The following PLEKHG4B variants were observed in gnomAD, a reference collection of about 807,000 sequenced individuals.
PLEKHG4B encodes the protein pleckstrin homology and RhoGEF domain containing G4B, also known as pleckstrin homology domain-containing family G member 4B.
In PLEKHG4B, 111 loss-of-function variants were observed where a neutral mutation model predicts 121.3. The observed-to-expected ratio is 0.92, with a 90% CI of 0.78 to 1.07. The LOEUF is 1.07. Ranked by LOEUF, PLEKHG4B falls within the 50% of genes least tolerant of loss-of-function variation. The pLI, the probability that PLEKHG4B is intolerant of heterozygous loss-of-function variation, is 0.00. For synonymous variants in PLEKHG4B, 738 were observed against 725.0 expected (o/e 1.02, Z -0.29); for missense variants, 1,831 against 1,757.8 (o/e 1.04, Z -0.74).
intron 2 of PLEKHG4B, among the ~76,000 whole-genome samples, chr5:117,051 A>C (rs1734327371): frequency 6.6e-6 from 1 of 152,118 alleles, no homozygotes; most frequent in South Asian, 2.1e-4. Flanking sequence ...CTCTCATTTT[A>C]ATCAAAAACC....
In PLEKHG4B at chr5:171,072, C is replaced by A; in HGVS notation, c.3759C>A (p.Tyr1253Ter). ...AGCAGTTTGGGATGTACGTGATCTA[C>A]AGCAAAAACAAGCCGCAGTCGGATG... ...HEEQFGMYVIYSKNKPQSDAL... is the reference protein window; with the variant it reads ...HEEQFGMYVI The change falls in exon 15 of 20, where the codon TAC (tyrosine) becomes TAA (stop). Residue 1253 changes from tyrosine (Y) to a stop codon, truncating the protein, a stop_gained. Transcript: ENST00000637938. LOFTEE classifies it high-confidence loss of function. 1 of 1,613,202 alleles carries A rather than the reference C, an allele frequency of 6.2e-7. No individual in the cohort carries two copies. Among genetic ancestry groups the A allele is most frequent in the Non-Finnish European group, 8.5e-7 (1 of 1,179,838 alleles).
At chr5:99,913 C>A (rs1219771469) in intron 1 of PLEKHG4B, among the ~76,000 whole-genome samples, 3 of 152,038 alleles carry the variant, frequency 2.0e-5, no homozygotes, top group African/African-American at 7.3e-5. Context: ...TCTTGGTTTT[C>A]TGGGTCTGTT....
chr5:138,034 A>G (rs1031734319), intron 2 of PLEKHG4B, among the ~76,000 whole-genome samples: 6 of 152,336 alleles, frequency 3.9e-5, no homozygotes, highest in African/African-American at 1.4e-4. Flanking sequence ...GGGTGGGCCA[A>G]TGTCTGTATG....
chr5:99,331 G>A (rs1201903107), intron 1 of PLEKHG4B, among the ~76,000 whole-genome samples: 1 of 151,362 alleles, frequency 6.6e-6, no homozygotes, highest in African/African-American at 2.4e-5. Context: ...GATCACTTTA[G>A]GTAGTGTGGA....
chr5:98,815 G>C (rs1733706156), intron 1 of PLEKHG4B, among the ~76,000 whole-genome samples: 1 of 139,864 alleles, frequency 7.1e-6, no homozygotes, highest in Admixed American at 7.2e-5. Context: ...CAGGAAGTCT[G>C]AGTATTCCAA....
At chr5:120,553 T>C (rs1734437755) in intron 2 of PLEKHG4B, among the ~76,000 whole-genome samples, 1 of 152,156 alleles carries the variant, frequency 6.6e-6, no homozygotes, top group Non-Finnish European at 1.5e-5. Flanking sequence ...TGGAGAGAGA[T>C]CTCATTGCAC....
intron 2 of PLEKHG4B, among the ~76,000 whole-genome samples, chr5:121,488 A>G (rs1734467905): frequency 6.6e-6 from 1 of 152,184 alleles, no homozygotes; most frequent in Non-Finnish European, 1.5e-5. Flanking sequence ...GTATAGTTGC[A>G]TTCACAGAAG....
At chr5:181,469 GC>G in intron 18 of PLEKHG4B, 44 bp from the exon 19 acceptor site, 1 of 1,588,960 alleles carries the variant, frequency 6.3e-7, no homozygotes, top group Non-Finnish European at 8.6e-7. Context: ...GGTGGCATTA[GC>G]CCCCGAGTTG....
chr5:135,187 CAAAAAAA>C (rs35601775), intron 2 of PLEKHG4B, among the ~76,000 whole-genome samples: 8,858 of 48,794 alleles, frequency 0.18, 456 homozygotes, highest in African/African-American at 0.35. Flanking sequence ...GACTCCAGCT[CAAAAAAA>C]AAAAAAAAAA....
chr5:121,949 AT>A (rs1392675322), intron 2 of PLEKHG4B, among the ~76,000 whole-genome samples: 1 of 152,084 alleles, frequency 6.6e-6, no homozygotes, highest in Non-Finnish European at 1.5e-5. Context: ...TTAAAAGATT[AT>A]TAACTACTTA....
chr5:183,990 T>G lies in PLEKHG4B; in HGVS notation c.*1667T>G. 1 of 38,270 alleles carries G rather than the reference T, an allele frequency of 2.6e-5. No homozygotes were observed. Among genetic ancestry groups the G allele is most frequent in the Non-Finnish European group, 8.5e-5 (1 of 11,732 alleles). 2.4% of individuals were successfully genotyped at this position (38,270 alleles called of 1,614,324 possible). A position where few individuals can be genotyped will look rare whatever the true frequency, so the allele number is the denominator to read the frequency against. The stretch of plus-strand genomic sequence containing the variant: ...ACAGACAGATAGATAGATAGATAGA[T>G]CGATAGATAGATAGATAGATAGATA... On this transcript the variant is annotated 3_prime_UTR_variant, in exon 20 of 20. Coordinates refer to ENST00000637938, the MANE Select transcript of PLEKHG4B (RefSeq NM_052909.5).
intron 6 of PLEKHG4B, among the ~76,000 whole-genome samples, chr5:148,645 C>T (rs149627929): frequency 2.6e-5 from 4 of 152,256 alleles, no homozygotes; most frequent in East Asian, 1.9e-4. Flanking sequence ...AATATCAATA[C>T]TACACAAAGT....
At chr5:118,108 C>G (rs1489965878) in intron 2 of PLEKHG4B, among the ~76,000 whole-genome samples, 3 of 152,014 alleles carry the variant, frequency 2.0e-5, no homozygotes, top group Non-Finnish European at 4.4e-5. Context: ...TCATAACAAA[C>G]TAAATATCAT....
rs554710398 is a variant in PLEKHG4B, at chr5:182,812, A to C, written c.*489A>C. The C allele has an allele frequency of 1.4e-3, 229 of 168,156 alleles. No homozygotes were observed. Among genetic ancestry groups the C allele is most frequent in the African/African-American group, 5.1e-3 (214 of 41,994 alleles). 10.4% of individuals were successfully genotyped at this position (168,156 alleles called of 1,614,324 possible). A position where few individuals can be genotyped will look rare whatever the true frequency, so the allele number is the denominator to read the frequency against. On this transcript the variant is annotated 3_prime_UTR_variant, in exon 20 of 20. Transcript: ENST00000637938. ...CCAAGTCAGCAGGAGTTGGCAGGTC[A>C]GAGTGCCAGAGAGAGATGCCTGCAT...
At position 189,917 on chromosome 5, in the gene PLEKHG4B, A is replaced by G. The variant is rs1733744418; in HGVS notation, c.*7594A>G. Reference sequence around the variant, plus strand: ...CACTGTTGTTAAGTGTTTACTTTGTATCAATACTGAATTGTTAAAAATTTT... The same window carrying G: ...CACTGTTGTTAAGTGTTTACTTTGTGTCAATACTGAATTGTTAAAAATTTT... On this transcript the variant is annotated 3_prime_UTR_variant, in exon 20 of 20. Transcript: ENST00000637938. 6.6e-6 allele frequency: 1 copy of G among 152,278 alleles called. No homozygotes were observed. Among genetic ancestry groups the G allele is most frequent in the East Asian group, 1.9e-4 (1 of 5,202 alleles). 9.4% of individuals were successfully genotyped at this position (152,278 alleles called of 1,614,324 possible).
In PLEKHG4B at chr5:92,284, G is replaced by A. The variant is rs1579221366; in HGVS notation, c.45+8G>A. The A allele has an allele frequency of 2.4e-5, 6 of 254,642 alleles. No homozygotes were observed. In the East Asian group the frequency reaches 2.7e-4, roughly 11 times the overall value. 15.8% of individuals were successfully genotyped at this position (254,642 alleles called of 1,614,324 possible). A position where few individuals can be genotyped will look rare whatever the true frequency, so the allele number is the denominator to read the frequency against. ...GGCGGCCCAGGCGCCCGGGTAAGAG[G>A]GGGCACGGGGACTGCGGCGGGTGGG... On this transcript the variant is annotated splice_region_variant and intron_variant, in intron 1 of 19. Transcript: ENST00000637938.
chr5:177,921 CT>C (rs970403509), intron 18 of PLEKHG4B, among the ~76,000 whole-genome samples: 3 of 151,956 alleles, frequency 2.0e-5, no homozygotes, highest in African/African-American at 7.3e-5. Flanking sequence ...GCCCTGTGTG[CT>C]TAGGAAATTG....
In PLEKHG4B at chr5:159,734, G is replaced by A. The variant is rs1314603369; in HGVS notation, c.2488-2049G>A. ...GGTCTGATTCTTTTCCTCTAATCCC[G>A]GCCTGAAAGGAGAGCCTGGCCGTAG... is the stretch of plus-strand genomic sequence containing the variant. On this transcript the variant is annotated intron_variant, in intron 11 of 19. Transcript: ENST00000637938. This position sits in a 1 kb window ranked among gnomAD's most constrained non-coding sequence, Gnocchi z 5.5. 1.3e-5 allele frequency among the ~76,000 whole-genome samples: 2 copies of A among 152,014 alleles called. No homozygotes were observed. Among genetic ancestry groups the A allele is most frequent in the Admixed American group, 6.5e-5 (1 of 15,270 alleles).
At chr5:170,217 A>T (rs1377856545) in intron 14 of PLEKHG4B, among the ~76,000 whole-genome samples, 1 of 152,234 alleles carries the variant, frequency 6.6e-6, no homozygotes, top group African/African-American at 2.4e-5. Flanking sequence ...GGCAGATGGG[A>T]TGTATGTCCC....
Sources: gnomAD v4.1 joint callset for allele counts (sites outside exome capture counted in the v4.1 genomes callset) on GRCh38, gnomAD v4.1.1 for gene constraint, Gnocchi (gnomAD v3.1) non-coding constraint, MANE v1.5 for transcripts, NCBI Gene and HGNC (gene_info 2026-07-23, HGNC 2026-07-21) for gene names.